The following CMKLR2 variants were observed in gnomAD, a reference collection of about 807,000 sequenced individuals.
The protein encoded by CMKLR2 is chemerin-like receptor 2.
Under a neutral mutation model 23.0 loss-of-function variants are expected in CMKLR2, and 18 were observed. The observed-to-expected ratio is 0.78, with a 90% confidence interval of 0.54 to 1.16. CMKLR2 has a LOEUF of 1.16. Among genes scored for constraint, CMKLR2 ranks in the 50% most tolerant of loss-of-function variants. The pLI is 0.00. For missense variants in CMKLR2, 401 were observed against 412.7 expected (o/e 0.97, Z 0.25); for synonymous variants, 158 against 158.9 (o/e 0.99, Z 0.05).
At chr2:206,177,360 A>C in intron 1 of CMKLR2, 85 bp from the exon 2 acceptor site, 1 of 664,984 alleles carries the variant, frequency 1.5e-6, no homozygotes, top group Non-Finnish European at 2.6e-6. Flanking sequence ...GAAGATAAAA[A>C]TATTTCAGGT....
intron 1 of CMKLR2, among the ~76,000 whole-genome samples, chr2:206,186,475 C>A (rs977679659): frequency 1.3e-5 from 2 of 152,144 alleles, no homozygotes; most frequent in Non-Finnish European, 2.9e-5. Flanking sequence ...CTAGGCCCTA[C>A]CTTTGAGCAC....
intron 1 of CMKLR2, among the ~76,000 whole-genome samples, chr2:206,197,492 C>T (rs1474881820): frequency 1.3e-5 from 2 of 152,108 alleles, no homozygotes; most frequent in Non-Finnish European, 2.9e-5. Context: ...AAAATTTTAA[C>T]CCAGTATCTT....
At chr2:206,193,908 G>A (rs1688833446) in intron 1 of CMKLR2, among the ~76,000 whole-genome samples, 1 of 152,120 alleles carries the variant, frequency 6.6e-6, no homozygotes, top group Non-Finnish European at 1.5e-5. Flanking sequence ...AAGATGTTTT[G>A]GTTCTCAATC....
intron 1 of CMKLR2, among the ~76,000 whole-genome samples, chr2:206,195,639 A>C (rs973433883): frequency 6.6e-6 from 1 of 152,186 alleles, no homozygotes; most frequent in African/African-American, 2.4e-5. Flanking sequence ...GCTGAAAATC[A>C]AGAAAATTAA....
At chr2:206,213,905 G>C, upstream of CMKLR2, among the ~76,000 whole-genome samples, 1 of 152,142 alleles carries the variant, frequency 6.6e-6, no homozygotes, top group Non-Finnish European at 1.5e-5. Flanking sequence ...CCAGGCTGGA[G>C]TGCAATGGCA....
At chr2:206,184,961 G>T (rs555544250) in intron 1 of CMKLR2, among the ~76,000 whole-genome samples, 1 of 152,246 alleles carries the variant, frequency 6.6e-6, no homozygotes, top group Non-Finnish European at 1.5e-5. Context: ...AAAGGATAAA[G>T]GGAATAGAAG....
intron 1 of CMKLR2, among the ~76,000 whole-genome samples, chr2:206,193,222 C>T (rs1200524166): frequency 6.6e-6 from 1 of 152,150 alleles, no homozygotes; most frequent in Admixed American, 6.5e-5. Context: ...CCTCAGCCTC[C>T]TGAGTAGCTA....
At position 206,176,148 on chromosome 2, in the gene CMKLR2, A is replaced by G; in HGVS notation, c.*32T>C. On this transcript the variant is annotated 3_prime_UTR_variant, in exon 2 of 2. Transcript: ENST00000621141. Reference sequence around the variant, plus strand: ...CATCAGTCAGAGGACCCACATAAAAAGCCATATACTGATTTGTGGAAAAGT... The same window carrying G: ...CATCAGTCAGAGGACCCACATAAAAGGCCATATACTGATTTGTGGAAAAGT... The G allele has an allele frequency of 6.9e-7, 1 of 1,455,846 alleles. No individual in the cohort carries two copies. Among genetic ancestry groups the G allele is most frequent in the Non-Finnish European group, 9.3e-7 (1 of 1,072,864 alleles). The allele number at this position is 1,455,846 out of a possible 1,614,324, so 90.2% of individuals were successfully genotyped here.
chr2:206,181,595 T>A (rs72944872), intron 1 of CMKLR2, among the ~76,000 whole-genome samples: 1 of 152,182 alleles, frequency 6.6e-6, no homozygotes, highest in Admixed American at 6.5e-5. Flanking sequence ...ATATTTTGTA[T>A]GTTTTATGTA....
At chr2:206,214,259 C>T (rs1689676631), upstream of CMKLR2, among the ~76,000 whole-genome samples, 1 of 150,506 alleles carries the variant, frequency 6.6e-6, no homozygotes, top group Non-Finnish European at 1.5e-5. Context: ...GCAACCTCCG[C>T]CTCCCGTGTT....
rs11317836 is a variant in CMKLR2 at position 206,186,117 on chromosome 2, C to CTTT, written c.-28-8845_-28-8843dup. On this transcript the variant is annotated intron_variant, in intron 1 of 1. Transcript: ENST00000621141. ...AAACCGTGTGGGTCTGTGGAATGGG[C>CTTT]TTTTTTTTTTTTTTGATGGAGTCTC... Among the ~76,000 whole-genome samples, 1,245 of 140,352 alleles carry CTTT rather than the reference C, an allele frequency of 8.9e-3. 13 individuals carry two copies. The highest frequency in any genetic ancestry group is 0.03 in the African/African-American group (1,129 of 37,710). The allele number at this position is 140,352 out of a possible 152,430, so 92.1% of individuals were successfully genotyped here. A position where few individuals can be genotyped will look rare whatever the true frequency, so the allele number is the denominator to read the frequency against.
upstream of CMKLR2, among the ~76,000 whole-genome samples, chr2:206,214,165 A>ATCTTTTTTTTTTT (rs1689670248): frequency 1.5e-5 from 1 of 64,928 alleles, no homozygotes; most frequent in Non-Finnish European, 2.7e-5. Flanking sequence ...TAAAGACTTG[A>ATCTTTTTTTTTTT]TTTTTTTTTT....
chr2:206,209,774 G>A (rs1449142934), intron 1 of CMKLR2, among the ~76,000 whole-genome samples: 12 of 134,860 alleles, frequency 8.9e-5, no homozygotes, highest in East Asian at 4.7e-4. Context: ...TCAGCCTCCC[G>A]AGTAGCTGGG....
chr2:206,196,022 G>C (rs1046261546), intron 1 of CMKLR2, among the ~76,000 whole-genome samples: 1 of 151,986 alleles, frequency 6.6e-6, no homozygotes, highest in African/African-American at 2.4e-5. Flanking sequence ...TATCTAAATT[G>C]GTAAATGCCT....
At chr2:206,209,908 A>G (rs1207080327) in intron 1 of CMKLR2, among the ~76,000 whole-genome samples, 4 of 150,730 alleles carry the variant, frequency 2.7e-5, no homozygotes, top group Admixed American at 6.6e-5. Flanking sequence ...TCGGCCTCCC[A>G]AAGTGCTGGG....
intron 1 of CMKLR2, among the ~76,000 whole-genome samples, chr2:206,187,881 A>G (rs868167489): frequency 3.7e-4 from 57 of 152,192 alleles, no homozygotes; most frequent in African/African-American, 1.3e-3. Context: ...GAAGACAGAT[A>G]GTAGGTGGAT....
At chr2:206,191,517 G>C (rs1688746081) in intron 1 of CMKLR2, among the ~76,000 whole-genome samples, 1 of 152,096 alleles carries the variant, frequency 6.6e-6, no homozygotes, top group Non-Finnish European at 1.5e-5. Context: ...TCTGCATGGA[G>C]TTCACACATT....
upstream of CMKLR2, among the ~76,000 whole-genome samples, chr2:206,216,454 G>A (rs147120164): frequency 9.5e-3 from 1,438 of 152,140 alleles, 8 homozygotes; most frequent in Middle Eastern, 0.037. Context: ...ACTCCATCTC[G>A]AAATAAAAAT....
chr2:206,190,962 T>G lies in CMKLR2; in HGVS notation c.-28-13687A>C, dbSNP rs899372097. ...GAAATTAGTGTTCTAACTTGTATAA[T>G]CTGTATGGCTCTGTTGATTGCTGGG... On this transcript the variant is annotated intron_variant, in intron 1 of 1. Coordinates refer to ENST00000621141, the MANE Select transcript of CMKLR2 (RefSeq NM_001389445.1). 5.3e-5 allele frequency among the ~76,000 whole-genome samples: 8 copies of G among 152,236 alleles called. No individual in the cohort carries two copies. In the East Asian group the frequency reaches 1.5e-3, roughly 29 times the overall value.
Sources: gnomAD v4.1 joint callset for allele counts (sites outside exome capture counted in the v4.1 genomes callset) on GRCh38, gnomAD v4.1.1 for gene constraint, MANE v1.5 for transcripts, NCBI Gene and HGNC (gene_info 2026-07-23, HGNC 2026-07-21) for gene names.